ZNF217: variants seen among roughly 807,000 people sequenced by gnomAD.
The protein encoded by ZNF217 is zinc finger protein 217.
In ZNF217, 12 loss-of-function variants were observed where a neutral mutation model predicts 73.3. That is an observed-to-expected ratio of 0.16 (90% confidence interval 0.10 to 0.27). The LOEUF (loss-of-function observed/expected upper bound fraction) is 0.27. Ranked by LOEUF, ZNF217 falls within the 10% of genes least tolerant of loss-of-function variation. The pLI is 1.00. For synonymous variants in ZNF217, 588 were observed against 516.4 expected, an observed-to-expected ratio of 1.14 and a Z score of -1.88; for missense variants, 1,195 against 1,327.8, an observed-to-expected ratio of 0.90 and a Z score of 1.55.
At chr20:53,573,365 G>A (rs536189643) in intron 4 of ZNF217, among the ~76,000 whole-genome samples, 79 of 152,102 alleles carry the variant, frequency 5.2e-4, no homozygotes, top group Admixed American at 4.1e-3. Context: ...GATTACAGGC[G>A]TGAGCCACCG....
At chr20:53,588,617 T>C (rs916604935) in intron 1 of ZNF217, among the ~76,000 whole-genome samples, 635 of 53,728 alleles carry the variant, frequency 0.012, 3 homozygotes, top group South Asian at 0.06. Flanking sequence ...TATATATATA[T>C]ATATATATAC....
intron 2 of ZNF217, 39 bp from the exon 3 acceptor site, chr20:53,578,489 C>T: frequency 8.0e-7 from 1 of 1,253,642 alleles, no homozygotes; most frequent in East Asian, 2.5e-5. Context: ...AAGAAGGTAG[C>T]TGAAGTACCT....
chr20:53,582,671 T>C lies in ZNF217; in HGVS notation c.156A>G (p.Gln52=). The stretch of plus-strand genomic sequence containing the variant: ...CCTCGATTTGGATGACATTTTTTTC[T>C]TGTGTAGCTCGGAATGGAACAACAG... ...GTAVVPFRAT[Q]EKNVIQIEGY... is the part of the protein sequence containing the mutation. Residue 52 remains glutamine, a synonymous_variant, in exon 2 of 6, where the codon CAA becomes CAG. Coordinates refer to ENST00000371471, the MANE Select transcript of ZNF217 (RefSeq NM_006526.3). This position sits in a 1 kb window ranked among gnomAD's most constrained non-coding sequence, Gnocchi z 4.8. 6.2e-7 allele frequency: 1 copy of C among 1,614,164 alleles called. No individual in the cohort carries two copies. Among genetic ancestry groups the C allele is most frequent in the Non-Finnish European group, 8.5e-7 (1 of 1,180,020 alleles).
At chr20:53,594,322 C>A (rs1157165249), upstream of ZNF217, among the ~76,000 whole-genome samples, 1 of 145,712 alleles carries the variant, frequency 6.9e-6, no homozygotes, top group Non-Finnish European at 1.6e-5. Context: ...AGACGCCCCG[C>A]CCCCTGCCTT....
chr20:53,589,157 C>G (rs924040952), intron 1 of ZNF217, among the ~76,000 whole-genome samples: 6 of 152,114 alleles, frequency 3.9e-5, no homozygotes, highest in Non-Finnish European at 7.3e-5. Context: ...AAACACTACA[C>G]GAGTCTGTTA....
chr20:53,572,438 G>A (rs375590083), intron 4 of ZNF217, among the ~76,000 whole-genome samples: 19 of 151,712 alleles, frequency 1.3e-4, no homozygotes, highest in African/African-American at 4.6e-4. Flanking sequence ...AAAAAAAAGA[G>A]GATCTGACTT....
upstream of ZNF217, among the ~76,000 whole-genome samples, chr20:53,596,739 C>G (rs1347779597): frequency 6.6e-6 from 1 of 151,984 alleles, no homozygotes; most frequent in Non-Finnish European, 1.5e-5. Flanking sequence ...TCCAGCTTCG[C>G]CATCACTCCC....
Position 53,576,141 on chromosome 20 carries a change from T to C in ZNF217, c.2623A>G (p.Ser875Gly). 6.2e-7 allele frequency: 1 copy of C among 1,614,248 alleles called. No individual in the cohort carries two copies. Among genetic ancestry groups the C allele is most frequent in the Non-Finnish European group, 8.5e-7 (1 of 1,180,040 alleles). Residue 875 changes from serine (S) to glycine (G), a missense_variant, in exon 4 of 6, where the codon AGC (serine) becomes GGC (glycine). Around this residue, in one of 9 missense-constraint regions of ZNF217, gnomAD observed 649 missense variants for 642.8 expected, o/e 1.01. Coordinates refer to ENST00000371471, the MANE Select transcript of ZNF217 (RefSeq NM_006526.3). ...TCGATGGAACCATTGATGTTACTGCTGCCGAGGGTGGGCTGAGAAGGAGCT... is the reference window on the plus strand; with the variant it reads ...TCGATGGAACCATTGATGTTACTGCCGCCGAGGGTGGGCTGAGAAGGAGCT... ...PVAPSQPTLG[S>G]SNINGSIDYP...
rs780332107 is a variant in ZNF217 at position 53,576,057 on chromosome 20, G to A, written c.2707C>T (p.Arg903Trp). The change falls in exon 4 of 6, where the codon CGG (arginine) becomes TGG (tryptophan). Residue 903 changes from arginine to tryptophan, a missense_variant. Arg to Trp is a moderately radical substitution (Grantham distance 101). This residue lies in a region of ZNF217 where 649 missense variants were observed against 642.8 expected (regional missense o/e 1.01). Coordinates refer to ENST00000371471, the MANE Select transcript of ZNF217 (RefSeq NM_006526.3). ...APPGRDYFCN[R>W]SASNTAAEFG... is the part of the protein sequence containing the mutation. The stretch of plus-strand genomic sequence containing the variant: ...TCTGCTGCAGTATTGCTGGCACTCC[G>A]ATTACAGAAATAGTCTCTTCCCGGA... The A allele has an allele frequency of 8.7e-6, 14 of 1,614,098 alleles. No individual in the cohort carries two copies. Among genetic ancestry groups the A allele is most frequent in the Middle Eastern group, 1.6e-4 (1 of 6,080 alleles).
At position 53,576,126 on chromosome 20, in the gene ZNF217, C is replaced by G; in HGVS notation, c.2638G>C (p.Gly880Arg). 1 of 1,614,194 alleles carries G rather than the reference C, an allele frequency of 6.2e-7. No individual in the cohort carries two copies. Among genetic ancestry groups the G allele is most frequent in the Admixed American group, 1.7e-5 (1 of 60,018 alleles). The change falls in exon 4 of 6, where the codon GGT (glycine) becomes CGT (arginine). Residue 880 changes from glycine to arginine, a missense_variant. Physicochemically the swap from Gly to Arg is moderately radical, Grantham distance 125. Around this residue, in one of 9 missense-constraint regions of ZNF217, gnomAD observed 649 missense variants for 642.8 expected, o/e 1.01. Transcript: ENST00000371471. The stretch of plus-strand genomic sequence containing the variant: ...TTCTTGGCGGGGTAGTCGATGGAAC[C>G]ATTGATGTTACTGCTGCCGAGGGTG... The part of the protein sequence containing the change: ...QPTLGSSNIN[G>R]SIDYPAKNDS...
Position 53,582,531 on chromosome 20 carries a change from C to T in ZNF217, c.296G>A (p.Arg99Gln), listed in dbSNP as rs1247958839. The change falls in exon 2 of 6, where the codon CGG becomes CAG. Residue 99 changes from arginine (R) to glutamine (Q), a missense_variant. Arg to Gln is a conservative substitution (Grantham distance 43). Transcript: ENST00000371471. This position sits in a 1 kb window ranked among gnomAD's most constrained non-coding sequence, Gnocchi z 4.8. ...CGGACTGAGATACTCTGCTTCAACCCGAAGAACTGCTGGTTCACAGAGGGT... is the reference window on the plus strand; with the variant it reads ...CGGACTGAGATACTCTGCTTCAACCTGAAGAACTGCTGGTTCACAGAGGGT... ...RPTLCEPAVLRVEAEYLSPLD... is the reference protein window; with the variant it reads ...RPTLCEPAVLQVEAEYLSPLD... 1 of 1,614,118 alleles carries T rather than the reference C, an allele frequency of 6.2e-7. No individual in the cohort carries two copies. Among genetic ancestry groups the T allele is most frequent in the Non-Finnish European group, 8.5e-7 (1 of 1,180,028 alleles).
intron 1 of ZNF217, among the ~76,000 whole-genome samples, chr20:53,588,756 T>G (rs541221464): frequency 2.0e-5 from 3 of 152,328 alleles, no homozygotes; most frequent in Admixed American, 2.0e-4. Flanking sequence ...TTTTAAGGCA[T>G]AAGATCGTTC....
At chr20:53,594,205 G>A (rs1409518880), upstream of ZNF217, among the ~76,000 whole-genome samples, 1 of 151,830 alleles carries the variant, frequency 6.6e-6, no homozygotes, top group Non-Finnish European at 1.5e-5. Context: ...CAGGCGCGGG[G>A]GGTCCCTAGA....
intron 1 of ZNF217, among the ~76,000 whole-genome samples, chr20:53,587,724 C>G (rs1211953252): frequency 6.7e-6 from 1 of 149,448 alleles, no homozygotes; most frequent in Non-Finnish European, 1.5e-5. Flanking sequence ...GCATTTGTAC[C>G]CTGAAAACTA....
chr20:53,568,968 T>G lies in ZNF217; in HGVS notation c.*320A>C. ...TGATTTCTTTTCAGCAGCGCTCAAG[T>G]ATGCAAAAATTCCACTTCTTATTTG... is the stretch of plus-strand genomic sequence containing the variant. On this transcript the variant is annotated 3_prime_UTR_variant, in exon 6 of 6. Coordinates refer to ENST00000371471, the MANE Select transcript of ZNF217 (RefSeq NM_006526.3). 4.2e-6 allele frequency: 1 copy of G among 238,866 alleles called. No individual in the cohort carries two copies. Among genetic ancestry groups the G allele is most frequent in the Non-Finnish European group, 6.4e-6 (1 of 156,336 alleles). The allele number at this position is 238,866 out of a possible 1,614,324, so 14.8% of individuals were successfully genotyped here.
chr20:53,587,806 AGT>A (rs1265522435), intron 1 of ZNF217, among the ~76,000 whole-genome samples: 3 of 147,332 alleles, frequency 2.0e-5, no homozygotes, highest in Admixed American at 6.8e-5. Context: ...TTTTACGCAC[AGT>A]ATTTTTTCTT....
At chr20:53,586,414 A>T (rs531789272) in intron 1 of ZNF217, among the ~76,000 whole-genome samples, 3 of 152,154 alleles carry the variant, frequency 2.0e-5, no homozygotes, top group East Asian at 1.9e-4. Context: ...AGAGCGTAAT[A>T]AAAAAAATCG....
In ZNF217 at chr20:53,576,091, C is replaced by A. The variant is rs148869536; in HGVS notation, c.2673G>T (p.Pro891=). The change falls in exon 4 of 6, where the codon CCG becomes CCT. Residue 891 remains proline (P), a synonymous_variant. Transcript: ENST00000371471. ...AATAGTCTCTTCCCGGAGGTGCCCA[C>A]GGGCTGTCGTTCTTGGCGGGGTAGT... The part of the protein sequence containing the change: ...SIDYPAKNDS[P]WAPPGRDYFC... 43 of 1,614,078 alleles carry A rather than the reference C, an allele frequency of 2.7e-5. No individual in the cohort carries two copies. The highest frequency in any genetic ancestry group is 3.6e-5 in the Non-Finnish European group (43 of 1,180,038).
chr20:53,585,930 T>G (rs1258266642), intron 1 of ZNF217, among the ~76,000 whole-genome samples: 2 of 152,130 alleles, frequency 1.3e-5, no homozygotes, highest in Non-Finnish European at 2.9e-5. Context: ...AGACTGACTC[T>G]AATAGTCAAT....
Sources: gnomAD v4.1 joint callset for allele counts (sites outside exome capture counted in the v4.1 genomes callset) on GRCh38, gnomAD v4.1.1 for gene constraint, gnomAD v4.1.1 regional missense constraint, Gnocchi (gnomAD v3.1) non-coding constraint, MANE v1.5 for transcripts, NCBI Gene and HGNC (gene_info 2026-07-23, HGNC 2026-07-21) for gene names.